The following CSMD1 variants were observed in gnomAD, a reference collection of about 807,000 sequenced individuals.
The protein encoded by CSMD1 is CUB and Sushi multiple domains 1.
A neutral mutation model predicts 417.5 loss-of-function variants in CSMD1; 213 were observed. The observed-to-expected ratio is 0.51, with a 90% CI of 0.46 to 0.57. The LOEUF (loss-of-function observed/expected upper bound fraction) is 0.57. Among genes scored for constraint, CSMD1 ranks in the 20% least tolerant of loss-of-function variants. The probability of loss-of-function intolerance (pLI) is 0.00; values close to 1 mark genes in which losing one functional copy is unlikely to be tolerated. For synonymous variants in CSMD1, 2,862 were observed against 1,736.8 expected, an observed-to-expected ratio of 1.65 and a Z score of -16.11; for missense variants, 6,923 against 4,529.7, an observed-to-expected ratio of 1.53 and a Z score of -15.17.
intron 3 of CSMD1, among the ~76,000 whole-genome samples, chr8:4,162,977 G>A (rs894873821): frequency 1.3e-5 from 2 of 152,116 alleles, no homozygotes; most frequent in Non-Finnish European, 2.9e-5. Context: ...CCTAGAGTAG[G>A]AATCACAAAG....
At chr8:4,676,101 T>A (rs1377881273) in intron 1 of CSMD1, among the ~76,000 whole-genome samples, 7 of 152,126 alleles carry the variant, frequency 4.6e-5, no homozygotes, top group Non-Finnish European at 8.8e-5. Context: ...TATTGCTGAG[T>A]GGTAATTACA....
At chr8:2,953,445 C>A (rs1422050106) in intron 65 of CSMD1, among the ~76,000 whole-genome samples, 1 of 125,180 alleles carries the variant, frequency 8.0e-6, no homozygotes, top group African/African-American at 2.7e-5. Context: ...TAAAATAGAG[C>A]TTATGTCCAA....
At chr8:3,245,353 A>T (rs1490103194) in intron 26 of CSMD1, among the ~76,000 whole-genome samples, 3 of 152,162 alleles carry the variant, frequency 2.0e-5, no homozygotes, top group Non-Finnish European at 4.4e-5. Flanking sequence ...GCAAAACAAA[A>T]GTGAGAGGCT....
Position 3,508,004 on chromosome 8 carries a change from G to C in CSMD1, c.1345-14278C>G, listed in dbSNP as rs551130870. Among the ~76,000 whole-genome samples the C allele has an allele frequency of 7.9e-5, 12 of 152,218 alleles. No individual in the cohort carries two copies. In the South Asian group the frequency reaches 2.3e-3, roughly 29 times the overall value. ...TTTCTTTTGCTGTGCAGAGGCTCTT[G>C]AGTTTTATTAGATCCCATTTGTCAA... On this transcript the variant is annotated intron_variant, in intron 10 of 69. Transcript: ENST00000635120.
chr8:4,625,782 G>C (rs560185938), intron 2 of CSMD1, among the ~76,000 whole-genome samples: 9 of 152,146 alleles, frequency 5.9e-5, no homozygotes, highest in African/African-American at 2.2e-4. Flanking sequence ...GGAGTGCCGT[G>C]GTATGATCTC....
chr8:3,409,395 G>C, intron 13 of CSMD1, 28 bp downstream of exon 13: 1 of 1,579,068 alleles, frequency 6.3e-7, no homozygotes, highest in South Asian at 1.2e-5. Context: ...AGGACAGGAG[G>C]GAGTCCAGGT....
chr8:4,749,659 G>C (rs965805445), intron 1 of CSMD1, among the ~76,000 whole-genome samples: 2 of 152,070 alleles, frequency 1.3e-5, no homozygotes, highest in African/African-American at 4.8e-5. Context: ...TTCCAGTTTA[G>C]TAATTTTTAA....
At chr8:3,650,348 GTATACC>G (rs1797790890) in intron 7 of CSMD1, among the ~76,000 whole-genome samples, 4 of 151,996 alleles carry the variant, frequency 2.6e-5, no homozygotes, top group Non-Finnish European at 5.9e-5. Flanking sequence ...AGGAAGATGA[GTATACC>G]TTTACTTACA....
intron 1 of CSMD1, among the ~76,000 whole-genome samples, chr8:4,927,586 C>A (rs572839634): frequency 2.0e-5 from 3 of 152,202 alleles, no homozygotes; most frequent in African/African-American, 7.2e-5. Context: ...CTAAATAGTT[C>A]TTAGAGGTTC....
chr8:3,747,296 G>T (rs1354013326), intron 6 of CSMD1, among the ~76,000 whole-genome samples: 1 of 152,152 alleles, frequency 6.6e-6, no homozygotes, highest in African/African-American at 2.4e-5. Flanking sequence ...GATTCTCTAG[G>T]TAATTTTATG....
intron 3 of CSMD1, among the ~76,000 whole-genome samples, chr8:4,295,787 T>C (rs1222718190): frequency 0.01 from 153 of 14,940 alleles, 1 homozygote; most frequent in African/African-American, 0.022. Context: ...TATATATATA[T>C]ACACACACAC....
intron 3 of CSMD1, among the ~76,000 whole-genome samples, chr8:4,115,342 A>T (rs1348828524): frequency 6.6e-6 from 1 of 152,242 alleles, no homozygotes; most frequent in Non-Finnish European, 1.5e-5. Context: ...TTTTAGACAT[A>T]ATACTGTTGC....
At chr8:4,482,294 G>A (rs998385834) in intron 2 of CSMD1, among the ~76,000 whole-genome samples, 1 of 152,096 alleles carries the variant, frequency 6.6e-6, no homozygotes. Flanking sequence ...CTCTCTGTGT[G>A]TCCATGGGAT....
intron 50 of CSMD1, among the ~76,000 whole-genome samples, chr8:3,038,379 G>A (rs542887388): frequency 1.3e-5 from 2 of 152,290 alleles, no homozygotes; most frequent in African/African-American, 4.8e-5. Flanking sequence ...AAAATAGTAT[G>A]ACTGATCCAA....
At chr8:4,137,454 G>T (rs552092334) in intron 3 of CSMD1, among the ~76,000 whole-genome samples, 1 of 95,258 alleles carries the variant, frequency 1.0e-5, no homozygotes, top group African/African-American at 2.8e-5. Flanking sequence ...TCAAAATAGA[G>T]AGTATTTTAA....
chr8:3,201,255 C>A (rs769786539), intron 32 of CSMD1, among the ~76,000 whole-genome samples: 2 of 151,982 alleles, frequency 1.3e-5, no homozygotes, highest in Non-Finnish European at 1.5e-5. Context: ...TGCTTTAGAC[C>A]GAAATGTTAA....
At chr8:3,792,666 A>C (rs1799816161) in intron 5 of CSMD1, among the ~76,000 whole-genome samples, 1 of 152,178 alleles carries the variant, frequency 6.6e-6, no homozygotes, top group Admixed American at 6.5e-5. Context: ...AGAAAACAAA[A>C]CAGAGACCGC....
intron 15 of CSMD1, among the ~76,000 whole-genome samples, chr8:3,404,528 G>C (rs977332103): frequency 3.3e-5 from 5 of 152,068 alleles, no homozygotes; most frequent in Middle Eastern, 3.2e-3. Context: ...TGATGGGTCT[G>C]AGAATGTTAT....
rs552975251 is a variant in CSMD1 at position 3,929,466 on chromosome 8, C to G, written c.818+68437G>C. ...AGCTGGAGGGGACAGAACAAATCAG[C>G]TACAGGTGCTGTCTCTGAAGGACTC... On this transcript the variant is annotated intron_variant, in intron 5 of 69. Coordinates refer to ENST00000635120, the MANE Select transcript of CSMD1 (RefSeq NM_033225.6). Among the ~76,000 whole-genome samples, 63 of 150,474 alleles carry G rather than the reference C, an allele frequency of 4.2e-4. 2 individuals carry two copies. Among genetic ancestry groups the G allele is most frequent in the African/African-American group, 1.5e-3 (62 of 40,834 alleles).
Sources: allele counts gnomAD v4.1 joint callset (sites outside exome capture counted in the v4.1 genomes callset), GRCh38; gene constraint gnomAD v4.1.1; transcripts MANE v1.5; gene names NCBI Gene and HGNC (gene_info 2026-07-23, HGNC 2026-07-21).